The following GALNT17 variants were observed in gnomAD, a reference collection of about 807,000 sequenced individuals.
The protein encoded by GALNT17 is UDP-GalNAc:polypeptide N-acetylgalactosaminyltransferase-like 3.
In GALNT17, 29 loss-of-function variants were observed where a neutral mutation model predicts 63.7. The observed-to-expected ratio is 0.46, with a 90% CI of 0.34 to 0.62. The LOEUF (loss-of-function observed/expected upper bound fraction) is 0.62, where lower values mean the gene tolerates loss of function less well. Ranked by LOEUF, GALNT17 falls within the 20% of genes least tolerant of loss-of-function variation. The probability of loss-of-function intolerance (pLI) is 0.01; values close to 1 mark genes in which losing one functional copy is unlikely to be tolerated. For missense variants in GALNT17, 603 were observed against 799.6 expected (o/e 0.75, Z 2.97); for synonymous variants, 305 against 318.3 (o/e 0.96, Z 0.45).
At chr7:71,685,948 A>ATTTTTTTTTTTTTTTTTTTTTT (rs3062958) in intron 9 of GALNT17, among the ~76,000 whole-genome samples, 1 of 59,806 alleles carries the variant, frequency 1.7e-5, no homozygotes, top group African/African-American at 6.9e-5. Flanking sequence ...GGCAATTACT[A>ATTTTTTTTTTTTTTTTTTTTTT]TTTTTTTTTT....
chr7:71,202,913 C>T (rs1268848220), intron 1 of GALNT17, among the ~76,000 whole-genome samples: 1 of 152,150 alleles, frequency 6.6e-6, no homozygotes, highest in Non-Finnish European at 1.5e-5. Context: ...TAATGTCCTC[C>T]AGGTTCATTC....
Position 71,645,493 on chromosome 7 carries a change from A to G in GALNT17, c.1081-19918A>G, listed in dbSNP as rs557868271. 2.0e-5 allele frequency among the ~76,000 whole-genome samples: 3 copies of G among 152,228 alleles called. No individual in the cohort carries two copies. The East Asian group carries it at 5.8e-4, about 29-fold the overall frequency. ...TGCTTCCCTTTCCGCCATGATTGTAAGTTTCCTGAGGCTTCCCCAGCCATG... is the reference window on the plus strand; with the variant it reads ...TGCTTCCCTTTCCGCCATGATTGTAGGTTTCCTGAGGCTTCCCCAGCCATG... On this transcript the variant is annotated intron_variant, in intron 6 of 10. Transcript: ENST00000333538.
intron 5 of GALNT17, among the ~76,000 whole-genome samples, chr7:71,463,101 A>T (rs1390443404): frequency 1.3e-5 from 2 of 152,098 alleles, no homozygotes; most frequent in African/African-American, 4.8e-5. Context: ...GAGATTGTTG[A>T]TTGGTGGAAG....
intron 6 of GALNT17, among the ~76,000 whole-genome samples, chr7:71,581,863 T>C (rs1789640286): frequency 6.6e-6 from 1 of 152,132 alleles, no homozygotes; most frequent in Non-Finnish European, 1.5e-5. Context: ...GGGAAGGGAC[T>C]CTGGCCAAGA....
intron 1 of GALNT17, among the ~76,000 whole-genome samples, chr7:71,315,278 T>G (rs1324099418): frequency 2.0e-5 from 3 of 152,230 alleles, no homozygotes; most frequent in Non-Finnish European, 4.4e-5. Context: ...CAACAGCTGA[T>G]GGACGTGTGG....
chr7:71,660,314 C>T (rs1437022595), intron 6 of GALNT17, among the ~76,000 whole-genome samples: 1 of 152,144 alleles, frequency 6.6e-6, no homozygotes, highest in East Asian at 1.9e-4. Flanking sequence ...TGGAGCGTGC[C>T]CTCCTCCTGG....
At chr7:71,267,732 G>A (rs1399289222) in intron 1 of GALNT17, among the ~76,000 whole-genome samples, 1 of 152,038 alleles carries the variant, frequency 6.6e-6, no homozygotes, top group Non-Finnish European at 1.5e-5. Flanking sequence ...GGTGCAGGAG[G>A]TACAGGTTTG....
intron 6 of GALNT17, among the ~76,000 whole-genome samples, chr7:71,600,249 A>G (rs1288624056): frequency 9.9e-6 from 1 of 101,188 alleles, no homozygotes; most frequent in Non-Finnish European, 1.8e-5. Context: ...TTAGGGAAGG[A>G]AAAAAAAAAA....
At position 71,188,098 on chromosome 7, in the gene GALNT17, T is replaced by C. The variant is rs939442673; in HGVS notation, c.238+55058T>C. Among the ~76,000 whole-genome samples, 4 of 152,342 alleles carry C rather than the reference T, an allele frequency of 2.6e-5. No homozygotes were observed. The East Asian group carries it at 5.8e-4, about 22-fold the overall frequency. The stretch of plus-strand genomic sequence containing the variant: ...TGACTGAGTAGTATTCCATAGTATA[T>C]ATATACCACAGTCTCTTTATCCATT... On this transcript the variant is annotated intron_variant, in intron 1 of 10. Transcript: ENST00000333538.
chr7:71,233,079 G>T (rs1239908620), intron 1 of GALNT17, among the ~76,000 whole-genome samples: 2 of 152,158 alleles, frequency 1.3e-5, no homozygotes, highest in Non-Finnish European at 2.9e-5. Context: ...CTGAAGAAGG[G>T]CTTCTTCACC....
chr7:71,135,373 G>C (rs1025270774), intron 1 of GALNT17, among the ~76,000 whole-genome samples: 1 of 152,180 alleles, frequency 6.6e-6, no homozygotes, highest in African/African-American at 2.4e-5. Flanking sequence ...GTGAAGGGAG[G>C]TTAGGAGGCT....
chr7:71,330,629 T>C (rs1397908658), intron 1 of GALNT17, among the ~76,000 whole-genome samples: 1 of 151,954 alleles, frequency 6.6e-6, no homozygotes, highest in Non-Finnish European at 1.5e-5. Flanking sequence ...CTCCAACTCC[T>C]GGGCTCAAGC....
chr7:71,683,772 C>T lies in GALNT17; in HGVS notation c.1500+6466C>T, dbSNP rs200272539. Among the ~76,000 whole-genome samples, 13 of 152,248 alleles carry T rather than the reference C, an allele frequency of 8.5e-5. No homozygotes were observed. The East Asian group carries it at 2.3e-3, about 27-fold the overall frequency. ...CTTGTAATCCCAGCACTTTGGGAGG[C>T]CAAGGCGGGTGGATCACTTCCAGTC... On this transcript the variant is annotated intron_variant, in intron 9 of 10. Coordinates refer to ENST00000333538, the MANE Select transcript of GALNT17 (RefSeq NM_022479.3).
intron 5 of GALNT17, among the ~76,000 whole-genome samples, chr7:71,445,388 G>T (rs1324777107): frequency 2.0e-5 from 3 of 151,202 alleles, no homozygotes; most frequent in South Asian, 4.2e-4. Context: ...GTGTAGATGG[G>T]GTTTTGCCAT....
At chr7:71,382,832 C>T (rs1170352132) in intron 2 of GALNT17, among the ~76,000 whole-genome samples, 2 of 152,204 alleles carry the variant, frequency 1.3e-5, no homozygotes, top group East Asian at 3.9e-4. Flanking sequence ...TTATTTTTCC[C>T]ATTTTTTATT....
intron 1 of GALNT17, among the ~76,000 whole-genome samples, chr7:71,248,232 T>C (rs1018373675): frequency 4.6e-5 from 7 of 152,076 alleles, no homozygotes; most frequent in Non-Finnish European, 1.5e-5. Flanking sequence ...AACCATGAGA[T>C]CTCGTGAGAA....
At chr7:71,134,119 G>C (rs1280797196) in intron 1 of GALNT17, among the ~76,000 whole-genome samples, 1 of 152,208 alleles carries the variant, frequency 6.6e-6, no homozygotes, top group Non-Finnish European at 1.5e-5. Flanking sequence ...ACTAAGCGAG[G>C]GGAGGTTAAC....
chr7:71,232,707 C>T (rs1017674814), intron 1 of GALNT17, among the ~76,000 whole-genome samples: 3 of 152,070 alleles, frequency 2.0e-5, no homozygotes, highest in African/African-American at 4.8e-5. Flanking sequence ...GGAGTGCAGC[C>T]GCTCAGGGTC....
At chr7:71,467,028 T>G (rs1166750465) in intron 5 of GALNT17, among the ~76,000 whole-genome samples, 1 of 152,146 alleles carries the variant, frequency 6.6e-6, no homozygotes, top group African/African-American at 2.4e-5. Context: ...CTAAACTGAT[T>G]AAGACATGTC....
Sources: allele counts gnomAD v4.1 joint callset (sites outside exome capture counted in the v4.1 genomes callset), GRCh38; gene constraint gnomAD v4.1.1; transcripts MANE v1.5; gene names NCBI Gene and HGNC (gene_info 2026-07-23, HGNC 2026-07-21).